GRIA2: variants seen among roughly 807,000 people sequenced by gnomAD.
GRIA2 encodes the protein glutamate ionotropic receptor AMPA type subunit 2.
A neutral mutation model predicts 97.3 loss-of-function variants in GRIA2; 14 were observed. The ratio of observed to expected loss-of-function variants is 0.14; its 90% CI spans 0.10 to 0.23. The LOEUF (loss-of-function observed/expected upper bound fraction) is 0.23. Among genes scored for constraint, GRIA2 ranks in the 10% least tolerant of loss-of-function variants. GRIA2 has a pLI of 1.00. For missense variants in GRIA2, 558 were observed against 1,069.8 expected (o/e 0.52, Z 6.67); for synonymous variants, 412 against 387.8 (o/e 1.06, Z -0.73).
intron 2 of GRIA2, among the ~76,000 whole-genome samples, chr4:157,293,680 T>G (rs1177975225): frequency 6.6e-6 from 1 of 152,098 alleles, no homozygotes; most frequent in Non-Finnish European, 1.5e-5. Flanking sequence ...ATTTAGAGTA[T>G]TCAAATAAAT....
intron 12 of GRIA2, among the ~76,000 whole-genome samples, chr4:157,353,314 T>C (rs1736099170): frequency 1.3e-5 from 2 of 149,538 alleles, no homozygotes; most frequent in African/African-American, 5.0e-5. Context: ...ATGGCGCCAT[T>C]GCACTCCAGT....
chr4:157,299,994 G>T (rs1234011651), intron 2 of GRIA2, among the ~76,000 whole-genome samples: 2 of 152,128 alleles, frequency 1.3e-5, no homozygotes, highest in African/African-American at 2.4e-5. Context: ...TTTGCCTCCA[G>T]ATGTGACTAT....
intron 2 of GRIA2, among the ~76,000 whole-genome samples, chr4:157,244,874 T>C (rs914272969): frequency 2.0e-5 from 3 of 152,032 alleles, no homozygotes; most frequent in African/African-American, 4.8e-5. Context: ...AATGAGGCCT[T>C]CCTGTAGCTA....
chr4:157,226,983 A>G (rs1729776919), intron 2 of GRIA2, among the ~76,000 whole-genome samples: 3 of 152,298 alleles, frequency 2.0e-5, no homozygotes, highest in East Asian at 1.9e-4. Context: ...TTAAAATTTC[A>G]TACTTCACTT....
intron 2 of GRIA2, among the ~76,000 whole-genome samples, chr4:157,289,288 G>C (rs879535553): frequency 2.0e-4 from 31 of 151,772 alleles, no homozygotes; most frequent in Non-Finnish European, 4.3e-4. Context: ...AATGTTTTTT[G>C]TTTAGTACCT....
chr4:157,285,219 G>A (rs2126822521), intron 2 of GRIA2, among the ~76,000 whole-genome samples: 1 of 151,468 alleles, frequency 6.6e-6, no homozygotes, highest in South Asian at 2.1e-4. Flanking sequence ...CCTTTTAAAT[G>A]CAATGTCTCA....
intron 2 of GRIA2, among the ~76,000 whole-genome samples, chr4:157,233,389 T>G (rs1730109544): frequency 6.6e-6 from 1 of 152,164 alleles, no homozygotes; most frequent in South Asian, 2.1e-4. Flanking sequence ...ATTTAAGATA[T>G]CTCAATATTT....
Position 157,221,778 on chromosome 4 carries a change from T to C in GRIA2, c.200T>C (p.Val67Ala). ...ACACCCCACATCGACAATTTGGAGG[T>C]GGCAAACAGCTTCGCAGTCACTAAT... ...RLTPHIDNLEVANSFAVTNAF... is the reference protein window; with the variant it reads ...RLTPHIDNLEAANSFAVTNAF... The change falls in exon 2 of 16, where the codon GTG becomes GCG. Residue 67 changes from valine to alanine, a missense_variant. Around this residue, in one of 8 missense-constraint regions of GRIA2, gnomAD observed 96 missense variants for 176.6 expected, o/e 0.54. Transcript: ENST00000264426. The C allele has an allele frequency of 6.2e-7, 1 of 1,614,082 alleles. No homozygotes were observed. Among genetic ancestry groups the C allele is most frequent in the East Asian group, 2.2e-5 (1 of 44,868 alleles).
chr4:157,338,785 T>C (rs965987970), intron 11 of GRIA2, among the ~76,000 whole-genome samples: 6 of 152,094 alleles, frequency 3.9e-5, no homozygotes, highest in Non-Finnish European at 7.4e-5. Context: ...ATGCTATATA[T>C]GAATTTTAAA....
chr4:157,247,002 T>A (rs949985153), intron 2 of GRIA2, among the ~76,000 whole-genome samples: 1 of 152,298 alleles, frequency 6.6e-6, no homozygotes. Flanking sequence ...TTTCTTTCAC[T>A]AGTAGATAGG....
intron 2 of GRIA2, among the ~76,000 whole-genome samples, chr4:157,240,074 C>A (rs933552082): frequency 2.0e-5 from 3 of 151,718 alleles, no homozygotes; most frequent in Non-Finnish European, 4.4e-5. Flanking sequence ...TCTTCATATG[C>A]TTTAAATACA....
In GRIA2 at chr4:157,333,358, A is replaced by T; in HGVS notation, c.1155+5A>T. Reference sequence around the variant, plus strand: ...AAAACTAATGGGCCCCGGAAGGTAAATCCTTAGTGATTTAAAGGCAGTTCT... The same window carrying T: ...AAAACTAATGGGCCCCGGAAGGTAATTCCTTAGTGATTTAAAGGCAGTTCT... On this transcript the variant is annotated splice_donor_5th_base_variant and intron_variant, in intron 8 of 15. Coordinates refer to ENST00000264426, the MANE Select transcript of GRIA2 (RefSeq NM_001083619.3). 4 of 1,480,162 alleles carry T rather than the reference A, an allele frequency of 2.7e-6. No homozygotes were observed. Among genetic ancestry groups the T allele is most frequent in the Non-Finnish European group, 2.8e-6 (3 of 1,072,868 alleles). 91.7% of individuals were successfully genotyped at this position (1,480,162 alleles called of 1,614,324 possible). A position where few individuals can be genotyped will look rare whatever the true frequency, so the allele number is the denominator to read the frequency against.
intron 4 of GRIA2, among the ~76,000 whole-genome samples, chr4:157,317,396 A>T (rs1734369485): frequency 6.6e-6 from 1 of 152,106 alleles, no homozygotes; most frequent in Non-Finnish European, 1.5e-5. Flanking sequence ...TTTACTATTG[A>T]CAAAAATGAG....
intron 2 of GRIA2, among the ~76,000 whole-genome samples, chr4:157,251,329 T>TC (rs2126742214): frequency 6.6e-6 from 1 of 152,148 alleles, no homozygotes; most frequent in South Asian, 2.1e-4. Context: ...GGGTGGCTTA[T>TC]TATAAGAGAA....
intron 2 of GRIA2, among the ~76,000 whole-genome samples, chr4:157,263,580 T>C (rs1184295843): frequency 6.6e-6 from 1 of 151,958 alleles, no homozygotes; most frequent in African/African-American, 2.4e-5. Flanking sequence ...CTTCTGAAGA[T>C]TTTAGCATAT....
intron 2 of GRIA2, among the ~76,000 whole-genome samples, chr4:157,273,722 G>A (rs1732144473): frequency 6.6e-6 from 1 of 151,928 alleles, no homozygotes; most frequent in African/African-American, 2.4e-5. Context: ...AAACAGAATA[G>A]CCAAGAACTA....
intron 12 of GRIA2, among the ~76,000 whole-genome samples, chr4:157,351,804 T>G (rs1163138725): frequency 6.6e-6 from 1 of 152,190 alleles, no homozygotes; most frequent in Non-Finnish European, 1.5e-5. Context: ...CCATACTTCT[T>G]CCCGCCACCT....
intron 2 of GRIA2, among the ~76,000 whole-genome samples, chr4:157,228,911 G>A (rs974317051): frequency 1.4e-5 from 2 of 141,810 alleles, no homozygotes; most frequent in African/African-American, 5.4e-5. Flanking sequence ...CCCTTATAAG[G>A]CCCCTGACCG....
chr4:157,254,908 T>A (rs1458365662), intron 2 of GRIA2, among the ~76,000 whole-genome samples: 1 of 152,096 alleles, frequency 6.6e-6, no homozygotes, highest in Non-Finnish European at 1.5e-5. Context: ...TCTGTAGTTA[T>A]GAAAATATAG....
Sources: gnomAD v4.1 joint callset for allele counts (sites outside exome capture counted in the v4.1 genomes callset) on GRCh38, gnomAD v4.1.1 for gene constraint, gnomAD v4.1.1 regional missense constraint, MANE v1.5 for transcripts, NCBI Gene and HGNC (gene_info 2026-07-23, HGNC 2026-07-21) for gene names.